MMP16: variants seen among roughly 807,000 people sequenced by gnomAD.
MMP16 encodes matrix metallopeptidase 16.
Under a neutral mutation model 67.8 loss-of-function variants are expected in MMP16, and 12 were observed. The observed-to-expected ratio is 0.18, with a 90% CI of 0.11 to 0.29. MMP16 has a LOEUF of 0.29. MMP16 is among the 10% of genes least tolerant of loss of function. The pLI is 1.00. For missense variants in MMP16, 475 were observed against 765.7 expected (o/e 0.62, Z 4.48); for synonymous variants, 249 against 255.9 (o/e 0.97, Z 0.26).
At chr8:88,199,972 A>G (rs1809316212) in intron 1 of MMP16, among the ~76,000 whole-genome samples, 1 of 152,028 alleles carries the variant, frequency 6.6e-6, no homozygotes, top group South Asian at 2.1e-4. Context: ...TGAATGATAT[A>G]CAATTTGTAG....
chr8:88,221,008 T>C (rs1304765022), intron 1 of MMP16, among the ~76,000 whole-genome samples: 1 of 152,000 alleles, frequency 6.6e-6, no homozygotes, highest in East Asian at 1.9e-4. Flanking sequence ...TGTACCCAGG[T>C]GACTATCCTT....
chr8:88,092,542 C>T (rs572663686), intron 6 of MMP16, among the ~76,000 whole-genome samples: 4 of 151,934 alleles, frequency 2.6e-5, no homozygotes, highest in East Asian at 3.9e-4. Flanking sequence ...AAATAAAGCT[C>T]ACCTTAGGAG....
At chr8:88,110,079 A>C (rs961055913) in intron 6 of MMP16, among the ~76,000 whole-genome samples, 3 of 151,318 alleles carry the variant, frequency 2.0e-5, no homozygotes, top group Non-Finnish European at 4.4e-5. Flanking sequence ...CCAAAATTCC[A>C]AATAAAGCAT....
intron 6 of MMP16, among the ~76,000 whole-genome samples, chr8:88,085,185 T>G (rs1251307964): frequency 2.0e-5 from 3 of 152,028 alleles, no homozygotes; most frequent in Non-Finnish European, 4.4e-5. Flanking sequence ...ACATTTACAC[T>G]TAATTAACTG....
chr8:88,086,726 A>G (rs1203608439), intron 6 of MMP16, among the ~76,000 whole-genome samples: 1 of 151,924 alleles, frequency 6.6e-6, no homozygotes, highest in Non-Finnish European at 1.5e-5. Context: ...TACATAGACA[A>G]TGTATTCAAT....
At chr8:88,303,090 C>A (rs1031259177) in intron 1 of MMP16, among the ~76,000 whole-genome samples, 2 of 152,216 alleles carry the variant, frequency 1.3e-5, no homozygotes, top group African/African-American at 2.4e-5. Context: ...CACAGCAGAG[C>A]AGCTGCTCAG....
chr8:88,266,765 G>C (rs1051403356), intron 1 of MMP16, among the ~76,000 whole-genome samples: 4 of 152,080 alleles, frequency 2.6e-5, no homozygotes, highest in Non-Finnish European at 5.9e-5. Context: ...TGTTTAATGG[G>C]AGGCCCTAGA....
chr8:88,096,732 C>A (rs1809033039), intron 6 of MMP16, among the ~76,000 whole-genome samples: 1 of 151,792 alleles, frequency 6.6e-6, no homozygotes, highest in South Asian at 2.1e-4. Flanking sequence ...AAATATGCAA[C>A]CCTCATAGGA....
chr8:88,158,849 G>A (rs182504852), intron 4 of MMP16, among the ~76,000 whole-genome samples: 43 of 152,302 alleles, frequency 2.8e-4, no homozygotes, highest in Middle Eastern at 3.4e-3. Flanking sequence ...TGTATAAGGT[G>A]TAAGGAAGGG....
intron 4 of MMP16, among the ~76,000 whole-genome samples, chr8:88,119,892 C>T (rs571240499): frequency 5.3e-5 from 8 of 152,114 alleles, no homozygotes; most frequent in African/African-American, 1.9e-4. Context: ...TAATTTCAAG[C>T]ATCATTTCTA....
intron 6 of MMP16, among the ~76,000 whole-genome samples, chr8:88,093,116 T>C (rs1256334600): frequency 5.5e-4 from 83 of 151,850 alleles, no homozygotes; most frequent in Non-Finnish European, 1.5e-4. Context: ...AGGGGGACTT[T>C]AATACTACCC....
chr8:88,086,021 C>A (rs1563527353), intron 6 of MMP16, among the ~76,000 whole-genome samples: 1 of 151,606 alleles, frequency 6.6e-6, no homozygotes, highest in African/African-American at 2.4e-5. Flanking sequence ...TAATTTTTAT[C>A]CAATTTCTAT....
At chr8:88,291,711 C>G (rs1229283472) in intron 1 of MMP16, among the ~76,000 whole-genome samples, 1 of 151,986 alleles carries the variant, frequency 6.6e-6, no homozygotes, top group Non-Finnish European at 1.5e-5. Context: ...AAGGCAAAAA[C>G]CTAAGAATTT....
chr8:88,069,926 G>T (rs1586133867), intron 7 of MMP16, among the ~76,000 whole-genome samples: 2 of 152,156 alleles, frequency 1.3e-5, no homozygotes, highest in East Asian at 3.9e-4. Flanking sequence ...AATGTTCTTA[G>T]ATTTTGTAAC....
At chr8:88,306,538 T>C (rs1430735474) in intron 1 of MMP16, among the ~76,000 whole-genome samples, 4 of 152,038 alleles carry the variant, frequency 2.6e-5, no homozygotes, top group African/African-American at 4.8e-5. Flanking sequence ...CAGTAAAATA[T>C]TGGCAAACTG....
intron 1 of MMP16, among the ~76,000 whole-genome samples, chr8:88,288,170 A>G (rs1323169334): frequency 6.6e-6 from 1 of 152,206 alleles, no homozygotes; most frequent in African/African-American, 2.4e-5. Flanking sequence ...ATCAATAAAC[A>G]TAATACACTC....
In MMP16 at chr8:88,114,524, C is replaced by T. The variant is rs140219354; in HGVS notation, c.1083+1983G>A. On this transcript the variant is annotated intron_variant, in intron 6 of 9. Coordinates refer to ENST00000286614, the MANE Select transcript of MMP16 (RefSeq NM_005941.5). Reference sequence around the variant, plus strand: ...GACAGGATGCTAGTTTCCATTCACACATTCTTGATGCCTAGGAAAGTACAC... The same window carrying T: ...GACAGGATGCTAGTTTCCATTCACATATTCTTGATGCCTAGGAAAGTACAC... 4.9e-3 allele frequency among the ~76,000 whole-genome samples: 746 copies of T among 152,074 alleles called. 2 individuals carry two copies. The highest frequency in any genetic ancestry group is 8.2e-3 in the Non-Finnish European group (557 of 67,904).
At chr8:88,110,584 G>C (rs1312067415) in intron 6 of MMP16, among the ~76,000 whole-genome samples, 8 of 151,704 alleles carry the variant, frequency 5.3e-5, no homozygotes, top group East Asian at 1.9e-4. Context: ...AGCTGTGACT[G>C]AAAGTAATTT....
chr8:88,041,253 A>G lies in MMP16; in HGVS notation c.*208T>C. ...ACAAAGAAAGACAAAGGACTGAAGAACAGCAGATACTGTGCATCATGGAAG... is the reference window on the plus strand; with the variant it reads ...ACAAAGAAAGACAAAGGACTGAAGAGCAGCAGATACTGTGCATCATGGAAG... On this transcript the variant is annotated 3_prime_UTR_variant, in exon 10 of 10. Transcript: ENST00000286614. The surrounding 1 kb of genome is among the most constrained non-coding windows in gnomAD (Gnocchi z 6.0). 3.7e-6 allele frequency: 2 copies of G among 540,394 alleles called. No individual in the cohort carries two copies. The highest frequency in any genetic ancestry group is 4.7e-4 in the Middle Eastern group (1 of 2,112). The allele number at this position is 540,394 out of a possible 1,614,324, so 33.5% of individuals were successfully genotyped here. A position where few individuals can be genotyped will look rare whatever the true frequency, so the allele number is the denominator to read the frequency against.
Sources: gnomAD v4.1 joint callset for allele counts (sites outside exome capture counted in the v4.1 genomes callset) on GRCh38, gnomAD v4.1.1 for gene constraint, Gnocchi (gnomAD v3.1) non-coding constraint, MANE v1.5 for transcripts, NCBI Gene and HGNC (gene_info 2026-07-23, HGNC 2026-07-21) for gene names.